Variants in ADARB2 observed in about 807,000 individuals in gnomAD.
ADARB2 encodes adenosine deaminase RNA specific B2 (inactive).
Under a neutral mutation model 62.2 loss-of-function variants are expected in ADARB2, and 25 were observed. The ratio of observed to expected loss-of-function variants is 0.40; its 90% CI spans 0.29 to 0.56. ADARB2 has a LOEUF of 0.56. ADARB2 is among the 20% of genes least tolerant of loss of function. The pLI, the probability that ADARB2 is intolerant of heterozygous loss-of-function variation, is 0.43. For synonymous variants in ADARB2, 572 were observed against 500.8 expected, an observed-to-expected ratio of 1.14 and a Z score of -1.90; for missense variants, 1,071 against 1,077.4, an observed-to-expected ratio of 0.99 and a Z score of 0.08.
At chr10:1,714,503 C>A (rs1206555510) in intron 1 of ADARB2, among the ~76,000 whole-genome samples, 3 of 152,230 alleles carry the variant, frequency 2.0e-5, no homozygotes, top group Non-Finnish European at 2.9e-5. Flanking sequence ...CTTTTTGAAT[C>A]TGTGCACACT....
Position 1,231,861 on chromosome 10 carries a change from T to C in ADARB2, c.1513+1833A>G, listed in dbSNP as rs547855973. Among the ~76,000 whole-genome samples the C allele has an allele frequency of 1.1e-3, 168 of 152,246 alleles. 1 individual carries two copies. Among genetic ancestry groups the C allele is most frequent in the African/African-American group, 3.8e-3 (159 of 41,528 alleles). On this transcript the variant is annotated intron_variant, in intron 6 of 9. Coordinates refer to ENST00000381312, the MANE Select transcript of ADARB2 (RefSeq NM_018702.4). Reference sequence around the variant, plus strand: ...GGAATGTTTCTGGGCCAGCATCCCATGTGAGGACTGCAGAATCAGGCTAAG... The same window carrying C: ...GGAATGTTTCTGGGCCAGCATCCCACGTGAGGACTGCAGAATCAGGCTAAG...
chr10:1,616,535 C>T (rs1312120680), intron 1 of ADARB2, among the ~76,000 whole-genome samples: 1 of 136,184 alleles, frequency 7.3e-6, no homozygotes, highest in Admixed American at 7.4e-5. Flanking sequence ...CATTCTGTCG[C>T]TAGATGTTTG....
chr10:1,398,691 C>T lies in ADARB2; in HGVS notation c.101-19531G>A, dbSNP rs79432587. Among the ~76,000 whole-genome samples the T allele has an allele frequency of 2.5e-3, 379 of 152,276 alleles. 1 individual carries two copies. Among genetic ancestry groups the T allele is most frequent in the African/African-American group, 8.8e-3 (367 of 41,550 alleles). The stretch of plus-strand genomic sequence containing the variant: ...AAATAAAGTTTTAACGGTGGAATTT[C>T]AGGTATCAGCATAGATGGAGAAGAG... On this transcript the variant is annotated intron_variant, in intron 1 of 9. Transcript: ENST00000381312. The surrounding 1 kb of genome is among the most constrained non-coding windows in gnomAD (Gnocchi z 4.1).
intron 1 of ADARB2, among the ~76,000 whole-genome samples, chr10:1,462,286 C>T (rs929870905): frequency 2.0e-5 from 3 of 152,172 alleles, no homozygotes; most frequent in Non-Finnish European, 1.5e-5. Flanking sequence ...TTCTCTTGGC[C>T]AAGTGTCCCC....
Position 1,398,536 on chromosome 10 carries a change from T to A in ADARB2, c.101-19376A>T, listed in dbSNP as rs1249062233. Among the ~76,000 whole-genome samples, 3 of 152,234 alleles carry A rather than the reference T, an allele frequency of 2.0e-5. No individual in the cohort carries two copies. The highest frequency in any genetic ancestry group is 4.4e-5 in the Non-Finnish European group (3 of 68,028). On this transcript the variant is annotated intron_variant, in intron 1 of 9. Coordinates refer to ENST00000381312, the MANE Select transcript of ADARB2 (RefSeq NM_018702.4). This position sits in a 1 kb window ranked among gnomAD's most constrained non-coding sequence, Gnocchi z 4.1. ...AGGAGCCCCTAACCCCAGTTCCAGA[T>A]AAACCTTCTGTTTTTCCTAAAACTG...
intron 1 of ADARB2, among the ~76,000 whole-genome samples, chr10:1,583,479 T>G (rs1048285963): frequency 6.6e-6 from 1 of 152,128 alleles, no homozygotes; most frequent in African/African-American, 2.4e-5. Flanking sequence ...AATAGATAAT[T>G]AGGTCAACAA....
intron 1 of ADARB2, among the ~76,000 whole-genome samples, chr10:1,694,037 T>A (rs1367258321): frequency 6.6e-6 from 1 of 152,238 alleles, no homozygotes; most frequent in Non-Finnish European, 1.5e-5. Flanking sequence ...AATCTTTCTC[T>A]AGTAATCGAC....
At chr10:1,709,043 C>T (rs777954868) in intron 1 of ADARB2, among the ~76,000 whole-genome samples, 2 of 152,104 alleles carry the variant, frequency 1.3e-5, no homozygotes, top group African/African-American at 4.8e-5. Context: ...TCCTGAGAAA[C>T]CTTCTCAGCC....
intron 1 of ADARB2, among the ~76,000 whole-genome samples, chr10:1,584,963 C>T (rs1833154801): frequency 6.6e-6 from 1 of 152,094 alleles, no homozygotes; most frequent in Non-Finnish European, 1.5e-5. Flanking sequence ...GGGAGGTAAA[C>T]AAGTGGAGTA....
rs1296768952 is a variant in ADARB2, at chr10:1,177,626, T to G, written c.*5567A>C. 2.6e-5 allele frequency: 4 copies of G among 152,022 alleles called. No individual in the cohort carries two copies. Among genetic ancestry groups the G allele is most frequent in the Admixed American group, 1.3e-4 (2 of 15,258 alleles). The allele number at this position is 152,022 out of a possible 1,614,324, so 9.4% of individuals were successfully genotyped here. A position where few individuals can be genotyped will look rare whatever the true frequency, so the allele number is the denominator to read the frequency against. Reference sequence around the variant, plus strand: ...TACCGATGCATAAACTGCAGAGAGATAGAAATCTAGGGCCTGTGTGAAAAG... The same window carrying G: ...TACCGATGCATAAACTGCAGAGAGAGAGAAATCTAGGGCCTGTGTGAAAAG... On this transcript the variant is annotated 3_prime_UTR_variant, in exon 10 of 10. Coordinates refer to ENST00000381312, the MANE Select transcript of ADARB2 (RefSeq NM_018702.4).
chr10:1,466,192 G>A (rs1299192429), intron 1 of ADARB2, among the ~76,000 whole-genome samples: 1 of 152,228 alleles, frequency 6.6e-6, no homozygotes, highest in Non-Finnish European at 1.5e-5. Context: ...TGGGTGACAT[G>A]AAGCTGGCCT....
chr10:1,618,395 T>A (rs10903514), intron 1 of ADARB2, among the ~76,000 whole-genome samples: 3 of 152,002 alleles, frequency 2.0e-5, no homozygotes, highest in Non-Finnish European at 4.4e-5. Context: ...AAACTTAAGA[T>A]GAATGAGAAG....
intron 3 of ADARB2, among the ~76,000 whole-genome samples, chr10:1,309,691 T>G (rs1414579870): frequency 6.6e-6 from 1 of 152,242 alleles, no homozygotes; most frequent in Admixed American, 6.5e-5. Context: ...CACTAGGCTC[T>G]GGTCTTCAGA....
Position 1,534,427 on chromosome 10 carries a change from C to T in ADARB2, c.101-155267G>A, listed in dbSNP as rs534682018. The stretch of plus-strand genomic sequence containing the variant: ...TGCTGGGATTACAGGCATGAGCCAC[C>T]GCTCCCGGCCTCTTGCACTGAAGTC... On this transcript the variant is annotated intron_variant, in intron 1 of 9. Coordinates refer to ENST00000381312, the MANE Select transcript of ADARB2 (RefSeq NM_018702.4). 2.0e-3 allele frequency among the ~76,000 whole-genome samples: 303 copies of T among 152,352 alleles called. 2 individuals carry two copies. Among genetic ancestry groups the T allele is most frequent in the Non-Finnish European group, 3.1e-3 (211 of 68,020 alleles).
chr10:1,485,650 C>G (rs1316030426), intron 1 of ADARB2, among the ~76,000 whole-genome samples: 1 of 152,178 alleles, frequency 6.6e-6, no homozygotes, highest in African/African-American at 2.4e-5. Context: ...TTGTTCATTG[C>G]TGTCCTGTCA....
intron 1 of ADARB2, among the ~76,000 whole-genome samples, chr10:1,692,851 G>T (rs1033279479): frequency 6.6e-6 from 1 of 152,170 alleles, no homozygotes. Context: ...TGATCTCAAG[G>T]TTCTATGTTA....
At chr10:1,669,332 G>A (rs983072220) in intron 1 of ADARB2, among the ~76,000 whole-genome samples, 2 of 152,148 alleles carry the variant, frequency 1.3e-5, no homozygotes, top group Admixed American at 6.5e-5. Flanking sequence ...CCGATCCCGA[G>A]GACTTGAAAG....
intron 1 of ADARB2, among the ~76,000 whole-genome samples, chr10:1,554,559 C>T (rs1203990494): frequency 2.0e-5 from 3 of 152,060 alleles, no homozygotes; most frequent in Non-Finnish European, 2.9e-5. Flanking sequence ...GGGGAGGTGA[C>T]TTCAGGGCAC....
At chr10:1,558,666 C>CTG (rs1832745266) in intron 1 of ADARB2, among the ~76,000 whole-genome samples, 9 of 21,748 alleles carry the variant, frequency 4.1e-4, no homozygotes, top group African/African-American at 1.5e-3. Flanking sequence ...CTCAGCACCC[C>CTG]CATGCCCCAT....
Sources: allele counts gnomAD v4.1 joint callset (sites outside exome capture counted in the v4.1 genomes callset), GRCh38; gene constraint gnomAD v4.1.1; non-coding constraint Gnocchi (gnomAD v3.1); transcripts MANE v1.5; gene names NCBI Gene and HGNC (gene_info 2026-07-23, HGNC 2026-07-21).